Variants in ZC3HAV1 observed in about 807,000 individuals in gnomAD.
ZC3HAV1 encodes the protein zinc finger CCCH-type antiviral protein 1.
Under a neutral mutation model 86.6 loss-of-function variants are expected in ZC3HAV1, and 41 were observed. The observed-to-expected ratio is 0.47, with a 90% CI of 0.37 to 0.61. The LOEUF is 0.61. Ranked by LOEUF, ZC3HAV1 falls within the 20% of genes least tolerant of loss-of-function variation. ZC3HAV1 has a pLI of 0.00. For synonymous variants in ZC3HAV1, 421 were observed against 432.1 expected (o/e 0.97, Z 0.32); for missense variants, 964 against 1,141.1 (o/e 0.84, Z 2.24).
intron 7 of ZC3HAV1, among the ~76,000 whole-genome samples, chr7:139,065,477 G>A (rs1053500801): frequency 6.6e-6 from 1 of 152,140 alleles, no homozygotes; most frequent in African/African-American, 2.4e-5. Context: ...TCCAATAGTT[G>A]CAGTGTTCAA....
In ZC3HAV1 at chr7:139,108,904, G is replaced by A; in HGVS notation, c.308+120C>T. ...GGGAGCAGAGAAGGGAGTGGCTGGA[G>A]GCGGAGGCTGTCAGGTGCGGGGTCC... is the stretch of plus-strand genomic sequence containing the variant. On this transcript the variant is annotated intron_variant, in intron 1 of 12. Coordinates refer to ENST00000242351, the MANE Select transcript of ZC3HAV1 (RefSeq NM_020119.4). This position sits in a 1 kb window ranked among gnomAD's most constrained non-coding sequence, Gnocchi z 4.2. 3.1e-6 allele frequency: 4 copies of A among 1,292,362 alleles called. No individual in the cohort carries two copies. In the South Asian group the frequency reaches 4.6e-5, roughly 15 times the overall value. 80.1% of individuals were successfully genotyped at this position (1,292,362 alleles called of 1,614,324 possible).
At chr7:139,097,401 C>CATATATATATATATATATATATATATAT (rs1183885767) in intron 1 of ZC3HAV1, among the ~76,000 whole-genome samples, 2 of 63,862 alleles carry the variant, frequency 3.1e-5, no homozygotes, top group Non-Finnish European at 5.1e-5. Flanking sequence ...ATTGGAACTC[C>CATATATATATATATATATATATATATAT]ATATATATAT....
At chr7:139,054,316 G>A (rs1183607528) in intron 10 of ZC3HAV1, among the ~76,000 whole-genome samples, 1 of 152,170 alleles carries the variant, frequency 6.6e-6, no homozygotes, top group African/African-American at 2.4e-5. Context: ...AGCTAGCAAA[G>A]CACTGTGCCT....
At chr7:139,065,048 A>T in intron 7 of ZC3HAV1, 49 bp from the exon 8 acceptor site, 1 of 1,610,336 alleles carries the variant, frequency 6.2e-7, no homozygotes, top group Non-Finnish European at 8.5e-7. Flanking sequence ...CTTTTAGGAA[A>T]TCTCTACTGT....
intron 1 of ZC3HAV1, among the ~76,000 whole-genome samples, chr7:139,091,361 G>A (rs556252165): frequency 3.3e-5 from 5 of 152,124 alleles, no homozygotes; most frequent in African/African-American, 9.7e-5. Flanking sequence ...CCAGTTACTC[G>A]GGAGGCTGAG....
intron 1 of ZC3HAV1, 21 bp from the exon 2 acceptor site, chr7:139,089,780 G>A (rs753516421): frequency 1.9e-6 from 3 of 1,601,336 alleles, no homozygotes; most frequent in Non-Finnish European, 2.6e-6. Flanking sequence ...ACACGACAAT[G>A]GTCAGTATTT....
At chr7:139,073,800 C>G in intron 7 of ZC3HAV1, 56 bp downstream of exon 7, 1 of 1,521,674 alleles carries the variant, frequency 6.6e-7, no homozygotes, top group Non-Finnish European at 8.9e-7. Flanking sequence ...CAACAGTGTT[C>G]TTTTTAAGTT....
chr7:139,060,874 T>C, intron 9 of ZC3HAV1, 162 bp downstream of exon 9: 1 of 1,546,856 alleles, frequency 6.5e-7, no homozygotes, highest in Non-Finnish European at 8.7e-7. Flanking sequence ...ACCATGCTGC[T>C]TAACAAGCAT....
At chr7:139,056,661 C>T (rs1816295941) in intron 9 of ZC3HAV1, among the ~76,000 whole-genome samples, 1 of 152,118 alleles carries the variant, frequency 6.6e-6, no homozygotes, top group Admixed American at 6.5e-5. Flanking sequence ...TCTGCCTTGG[C>T]CTCCCAAAGT....
Position 139,109,267 on chromosome 7 carries a change from G to A in ZC3HAV1, c.65C>T (p.Ala22Val). 2.5e-6 allele frequency: 4 copies of A among 1,611,816 alleles called. No individual in the cohort carries two copies. Among genetic ancestry groups the A allele is most frequent in the Non-Finnish European group, 1.7e-6 (2 of 1,179,466 alleles). ...GATCTCCTGGAGCAGCGCGTCCAGG[G>A]CCATGCGGCCCCCGTGGGCGCACAG... ...KILCAHGGRM[A>V]LDALLQEIAL... Residue 22 changes from alanine (A) to valine (V), a missense_variant, in exon 1 of 13, where the codon GCC becomes GTC. Ala to Val is a moderately conservative substitution (Grantham distance 64). Coordinates refer to ENST00000242351, the MANE Select transcript of ZC3HAV1 (RefSeq NM_020119.4).
intron 1 of ZC3HAV1, 78 bp from the exon 2 acceptor site, chr7:139,089,837 G>A: frequency 6.8e-7 from 1 of 1,479,804 alleles, no homozygotes; most frequent in Non-Finnish European, 9.0e-7. Flanking sequence ...AAAACTTTCA[G>A]TCTGCAAAGA....
At chr7:139,102,900 C>T (rs757637160) in intron 1 of ZC3HAV1, among the ~76,000 whole-genome samples, 3 of 145,442 alleles carry the variant, frequency 2.1e-5, no homozygotes, top group Non-Finnish European at 4.5e-5. Flanking sequence ...AGAGTGGTGA[C>T]AGAACAAGAT....
chr7:139,047,618 T>C lies in ZC3HAV1; in HGVS notation c.2685A>G (p.Glu895=). 1 of 1,614,096 alleles carries C rather than the reference T, an allele frequency of 6.2e-7. No homozygotes were observed. Among genetic ancestry groups the C allele is most frequent in the East Asian group, 2.2e-5 (1 of 44,888 alleles). Residue 895 remains glutamate (E), a synonymous_variant, in exon 13 of 13, where the codon GAA becomes GAG. Coordinates refer to ENST00000242351, the MANE Select transcript of ZC3HAV1 (RefSeq NM_020119.4). ...TCTAACTAATCACGCAGGCTTTGTCTTCAGTATATTCAATCACATATTGTG... is the reference window on the plus strand; with the variant it reads ...TCTAACTAATCACGCAGGCTTTGTCCTCAGTATATTCAATCACATATTGTG... ...VYPQYVIEYT[E]DKACVIS is the part of the protein sequence containing the mutation.
intron 9 of ZC3HAV1, among the ~76,000 whole-genome samples, chr7:139,057,525 C>T (rs1414947408): frequency 1.1e-5 from 1 of 93,044 alleles, no homozygotes; most frequent in East Asian, 3.5e-4. Context: ...ATGATCAAAA[C>T]AATTACATTT....
intron 6 of ZC3HAV1, 31 bp from the exon 7 acceptor site, chr7:139,074,061 T>G: frequency 1.3e-6 from 2 of 1,588,054 alleles, no homozygotes; most frequent in South Asian, 1.1e-5. Context: ...GTTAACATAA[T>G]GCTTCATTGA....
At chr7:139,065,562 CAACT>C in intron 7 of ZC3HAV1, among the ~76,000 whole-genome samples, 1 of 152,250 alleles carries the variant, frequency 6.6e-6, no homozygotes, top group South Asian at 2.1e-4. Context: ...TCCTGCTAGC[CAACT>C]AACTGAAAAT....
intron 1 of ZC3HAV1, among the ~76,000 whole-genome samples, chr7:139,105,930 C>A (rs1263313094): frequency 6.6e-6 from 1 of 151,964 alleles, no homozygotes; most frequent in Non-Finnish European, 1.5e-5. Context: ...AAAAATTCTC[C>A]CAGAGGTCCT....
chr7:139,088,031 C>CAAAAAAAAAAAA (rs10544425), intron 2 of ZC3HAV1, among the ~76,000 whole-genome samples: 1 of 57,872 alleles, frequency 1.7e-5, no homozygotes, highest in Non-Finnish European at 3.4e-5. Context: ...GATCCTGTCT[C>CAAAAAAAAAAAA]AAAAAAAAAA....
rs552521569 is a variant in ZC3HAV1, at chr7:139,108,660, C to A, written c.308+364G>T. The stretch of plus-strand genomic sequence containing the variant: ...AGATACCAAAGACGGGAGGCTCTTT[C>A]CTTCCTTCCCAAACCTGCCTACCGC... On this transcript the variant is annotated intron_variant, in intron 1 of 12. Coordinates refer to ENST00000242351, the MANE Select transcript of ZC3HAV1 (RefSeq NM_020119.4). This position sits in a 1 kb window ranked among gnomAD's most constrained non-coding sequence, Gnocchi z 4.2. 1.3e-5 allele frequency among the ~76,000 whole-genome samples: 2 copies of A among 152,340 alleles called. No individual in the cohort carries two copies. Among genetic ancestry groups the A allele is most frequent in the East Asian group, 3.9e-4 (2 of 5,180 alleles).
Sources: gnomAD v4.1 joint callset for allele counts (sites outside exome capture counted in the v4.1 genomes callset) on GRCh38, gnomAD v4.1.1 for gene constraint, Gnocchi (gnomAD v3.1) non-coding constraint, MANE v1.5 for transcripts, NCBI Gene and HGNC (gene_info 2026-07-23, HGNC 2026-07-21) for gene names.